The following PWWP3A variants were observed in gnomAD, a reference collection of about 807,000 sequenced individuals.
The protein encoded by PWWP3A is PWWP domain-containing DNA repair factor 3A.
PWWP3A carries 53 observed loss-of-function variants against 79.0 expected under a neutral mutation model. The observed-to-expected ratio is 0.67, with a 90% CI of 0.54 to 0.84. PWWP3A has a LOEUF of 0.84. Ranked by LOEUF, PWWP3A falls within the 40% of genes least tolerant of loss-of-function variation. The pLI is 0.00. For missense variants in PWWP3A, 973 were observed against 948.0 expected, an observed-to-expected ratio of 1.03 and a Z score of -0.35; for synonymous variants, 443 against 394.4, an observed-to-expected ratio of 1.12 and a Z score of -1.46.
At chr19:1,376,300 T>TTG (rs1568968733) in intron 13 of PWWP3A, among the ~76,000 whole-genome samples, 6 of 91,770 alleles carry the variant, frequency 6.5e-5, no homozygotes, top group African/African-American at 2.4e-4. Flanking sequence ...TGTTTGTTTT[T>TTG]TTTTTTGTTT....
chr19:1,358,955 T>C, intron 4 of PWWP3A: 1 of 343,310 alleles, frequency 2.9e-6, no homozygotes, highest in Non-Finnish European at 5.8e-6. Context: ...TGGCACCCAT[T>C]GTTTGAGGCA....
chr19:1,367,083 A>T, intron 8 of PWWP3A, 77 bp from the exon 9 acceptor site: 1 of 1,220,920 alleles, frequency 8.2e-7, no homozygotes. Flanking sequence ...CACTGATCTT[A>T]ATCAGAGACA....
chr19:1,363,147 G>C (rs958729753), intron 6 of PWWP3A, among the ~76,000 whole-genome samples: 2 of 152,264 alleles, frequency 1.3e-5, no homozygotes. Flanking sequence ...GGAAGCTGGT[G>C]CGTGTGCAGC....
At chr19:1,367,436 C>G (rs1186708308) in intron 9 of PWWP3A, among the ~76,000 whole-genome samples, 1 of 152,192 alleles carries the variant, frequency 6.6e-6, no homozygotes, top group Non-Finnish European at 1.5e-5. Flanking sequence ...AGTTGCGGCC[C>G]CATTTCCCCG....
intron 12 of PWWP3A, 178 bp downstream of exon 12, chr19:1,371,256 C>T (rs1277800764): frequency 3.9e-6 from 3 of 774,524 alleles, no homozygotes; most frequent in South Asian, 2.9e-5. Flanking sequence ...CGAGTGCGTG[C>T]GCTTGACCCT....
intron 1 of PWWP3A, among the ~76,000 whole-genome samples, chr19:1,355,798 C>T (rs1271594952): frequency 1.3e-5 from 2 of 151,898 alleles, no homozygotes; most frequent in Non-Finnish European, 2.9e-5. Context: ...CACCCCCACC[C>T]CCAAACCTCC....
intron 13 of PWWP3A, among the ~76,000 whole-genome samples, chr19:1,374,578 A>C (rs866203330): frequency 6.6e-6 from 1 of 151,926 alleles, no homozygotes; most frequent in Middle Eastern, 3.4e-3. Context: ...GCTCTCCCCT[A>C]TTTCCAGGTC....
At chr19:1,358,797 T>C (rs2081944771) in intron 4 of PWWP3A, 1 of 697,570 alleles carries the variant, frequency 1.4e-6, no homozygotes. Context: ...CTTTTTCCTT[T>C]CCTCTTCCTA....
intron 8 of PWWP3A, 127 bp from the exon 9 acceptor site, chr19:1,367,032 TC>T: frequency 5.8e-6 from 4 of 689,060 alleles, no homozygotes; most frequent in Non-Finnish European, 4.9e-6. Flanking sequence ...ACGGTCACCT[TC>T]CATAAATAAG....
intron 8 of PWWP3A, 101 bp downstream of exon 8, chr19:1,366,482 C>G: frequency 9.0e-7 from 1 of 1,108,636 alleles, no homozygotes. Context: ...GAGGGGAGGC[C>G]CCGGCAGGAG....
intron 13 of PWWP3A, among the ~76,000 whole-genome samples, chr19:1,376,011 A>G (rs2082383731): frequency 6.7e-6 from 1 of 150,162 alleles, no homozygotes; most frequent in Non-Finnish European, 1.5e-5. Flanking sequence ...GCATTTCACC[A>G]TCTTGGCCAG....
chr19:1,358,163 C>G, intron 3 of PWWP3A: 1 of 477,230 alleles, frequency 2.1e-6, no homozygotes, highest in South Asian at 4.0e-5. Context: ...GCTTTTAAAT[C>G]CAGCCAACCT....
intron 1 of PWWP3A, among the ~76,000 whole-genome samples, 169 bp downstream of exon 1, chr19:1,355,304 G>T (rs2081823328): frequency 6.6e-6 from 1 of 151,644 alleles, no homozygotes; most frequent in Non-Finnish European, 1.5e-5. Context: ...CCCTGGCGCC[G>T]TGGGCCCCTC....
intron 6 of PWWP3A, among the ~76,000 whole-genome samples, chr19:1,362,717 C>T (rs996140319): frequency 1.3e-5 from 2 of 152,222 alleles, no homozygotes; most frequent in Admixed American, 6.5e-5. Flanking sequence ...CGTACTGTCT[C>T]GCGGCTTCCG....
At chr19:1,364,307 A>G (rs17673260) in intron 6 of PWWP3A, 305,962 of 683,736 alleles carry the variant, frequency 0.45, 71,421 homozygotes, top group Middle Eastern at 0.55. Flanking sequence ...TCACTGTCTC[A>G]TCATTGGTGG....
At chr19:1,357,141 C>A (rs2081891315) in intron 3 of PWWP3A, 47 bp downstream of exon 3, 3 of 1,439,218 alleles carry the variant, frequency 2.1e-6, no homozygotes, top group South Asian at 1.2e-5. Context: ...GTGTAGATTT[C>A]TGATACTTCA....
intron 13 of PWWP3A, among the ~76,000 whole-genome samples, chr19:1,374,902 G>A (rs2082332664): frequency 6.6e-6 from 1 of 151,926 alleles, no homozygotes; most frequent in Non-Finnish European, 1.5e-5. Flanking sequence ...GCAACACCCT[G>A]TCTCTAAAAA....
intron 13 of PWWP3A, among the ~76,000 whole-genome samples, chr19:1,376,295 G>GTTTTTGT (rs1568968591): frequency 4.5e-4 from 30 of 67,018 alleles, no homozygotes; most frequent in Non-Finnish European, 6.8e-4. Flanking sequence ...CCGGCTGTTT[G>GTTTTTGT]TTTTTTTTTT....
intron 1 of PWWP3A, 173 bp from the exon 2 acceptor site, chr19:1,356,151 C>T (rs1325522836): frequency 7.2e-6 from 4 of 558,354 alleles, no homozygotes; most frequent in Admixed American, 3.1e-5. Flanking sequence ...TACCGAGCCC[C>T]GTCGTTTCTG....
Sources: gnomAD v4.1 joint callset for allele counts (sites outside exome capture counted in the v4.1 genomes callset) on GRCh38, gnomAD v4.1.1 for gene constraint, MANE v1.5 for transcripts, NCBI Gene and HGNC (gene_info 2026-07-23, HGNC 2026-07-21) for gene names.